The following ACRBP variants were observed in gnomAD, a reference collection of about 807,000 sequenced individuals.
ACRBP encodes acrosin-binding protein.
In ACRBP, 52 loss-of-function variants were observed where a neutral mutation model predicts 69.0. That is an observed-to-expected ratio of 0.75 (90% CI 0.60 to 0.95). The LOEUF (loss-of-function observed/expected upper bound fraction) is 0.95. Among genes scored for constraint, ACRBP ranks in the 40% least tolerant of loss-of-function variants. The pLI is 0.00. For synonymous variants in ACRBP, 267 were observed against 258.9 expected (o/e 1.03, Z -0.30); for missense variants, 604 against 673.0 (o/e 0.90, Z 1.13).
chr12:6,645,383 A>T, intron 3 of ACRBP, 46 bp from the exon 4 acceptor site: 1 of 1,443,666 alleles, frequency 6.9e-7, no homozygotes, highest in Non-Finnish European at 9.7e-7. Context: ...TAAAGGGCAG[A>T]CTTCTGCTCC....
chr12:6,639,940 G>T, intron 8 of ACRBP, 120 bp downstream of exon 8: 2 of 1,224,024 alleles, frequency 1.6e-6, no homozygotes, highest in Non-Finnish European at 2.3e-6. Flanking sequence ...CAGTGAGGAC[G>T]GGTTCTCAGA....
intron 5 of ACRBP, 64 bp from the exon 6 acceptor site, chr12:6,643,735 G>A: frequency 1.3e-6 from 2 of 1,590,058 alleles, no homozygotes; most frequent in African/African-American, 2.7e-5. Flanking sequence ...ACTACATCCA[G>A]TCTCTTCCCC....
chr12:6,643,709 G>A (rs1322703568), intron 5 of ACRBP, 38 bp from the exon 6 acceptor site: 1 of 1,604,488 alleles, frequency 6.2e-7, no homozygotes, highest in East Asian at 2.2e-5. Context: ...GCTGGGCCAG[G>A]TGGCCCGGGC....
intron 2 of ACRBP, 75 bp downstream of exon 2, chr12:6,646,719 A>C: frequency 6.4e-7 from 1 of 1,572,196 alleles, no homozygotes; most frequent in Non-Finnish European, 8.7e-7. Flanking sequence ...GCCTCACATG[A>C]GCACAGGGGT....
intron 3 of ACRBP, among the ~76,000 whole-genome samples, chr12:6,646,282 T>C (rs1949088198): frequency 6.6e-6 from 1 of 152,166 alleles, no homozygotes; most frequent in South Asian, 2.1e-4. Context: ...TCTTCTCTAC[T>C]TTTCTTGCAG....
At position 6,640,290 on chromosome 12, in the gene ACRBP, CA is replaced by C. The variant is rs1949043377; in HGVS notation, c.1257+52del. 2 of 1,612,684 alleles carry C rather than the reference CA, an allele frequency of 1.2e-6. No homozygotes were observed. The highest frequency in any genetic ancestry group is 1.7e-6 in the Non-Finnish European group (2 of 1,178,968). On this transcript the variant is annotated intron_variant, in intron 7 of 9. Coordinates refer to ENST00000229243, the MANE Select transcript of ACRBP (RefSeq NM_032489.3). This position sits in a 1 kb window ranked among gnomAD's most constrained non-coding sequence, Gnocchi z 5.3. ...CCCCACCTGCTGGCCACCACCACCCCACCCCTGCCACCCAGTTCTGCCTTTC... is the reference window on the plus strand; with the variant it reads ...CCCCACCTGCTGGCCACCACCACCCCCCCCTGCCACCCAGTTCTGCCTTTC...
At chr12:6,646,673 C>A (rs770202103) in intron 2 of ACRBP, 96 bp from the exon 3 acceptor site, 1 of 1,507,004 alleles carries the variant, frequency 6.6e-7, no homozygotes, top group Non-Finnish European at 9.2e-7. Flanking sequence ...GTGGAGAGTA[C>A]GAGCTCATGG....
rs1206103820 is a variant in ACRBP, at chr12:6,638,340, T to G, written c.1574A>C (p.Asp525Ala). 1 of 1,614,094 alleles carries G rather than the reference T, an allele frequency of 6.2e-7. No homozygotes were observed. The highest frequency in any genetic ancestry group is 1.1e-5 in the South Asian group (1 of 91,086). Residue 525 changes from aspartate to alanine, a missense_variant, in exon 10 of 10, where the codon GAC becomes GCC. By Grantham distance (126) the Asp-to-Ala change is moderately radical (BLOSUM62 -2). This residue lies in a region of ACRBP where 51 missense variants were observed against 60.1 expected (regional missense o/e 0.85). Coordinates refer to ENST00000229243, the MANE Select transcript of ACRBP (RefSeq NM_032489.3). ...CTCCTGGCTCCATCGAAGCACAACG[T>G]CCTCACTTTTGCCAGGGCTCAGCGC... ...YSALSPGKSE[D>A]VVLRWSQEFS... is the part of the protein sequence containing the mutation.
chr12:6,640,330 C>A lies in ACRBP; in HGVS notation c.1257+13G>T, dbSNP rs922988124. ...GTTCTGCCTTTCCCACTGCGGGCTG[C>A]CGGGCTAGATACCTGGTTGCCGATG... On this transcript the variant is annotated intron_variant, in intron 7 of 9. Transcript: ENST00000229243. This position sits in a 1 kb window ranked among gnomAD's most constrained non-coding sequence, Gnocchi z 5.3. The A allele has an allele frequency of 6.2e-7, 1 of 1,613,930 alleles. No individual in the cohort carries two copies. Among genetic ancestry groups the A allele is most frequent in the South Asian group, 1.1e-5 (1 of 91,066 alleles).
At chr12:6,647,274 G>A in intron 1 of ACRBP, 50 bp downstream of exon 1, 2 of 1,523,852 alleles carry the variant, frequency 1.3e-6, no homozygotes, top group Admixed American at 2.3e-5. Context: ...TCTCGGGAGG[G>A]AGAGGACTAG....
Position 6,640,531 on chromosome 12 carries a change from G to A in ACRBP, c.1078-9C>T. Reference sequence around the variant, plus strand: ...CCAAGGCTGTCACAGACCTGGGGCAGGGGAATGGGTGAGGCTGAAGCTGAG... The same window carrying A: ...CCAAGGCTGTCACAGACCTGGGGCAAGGGAATGGGTGAGGCTGAAGCTGAG... On this transcript the variant is annotated splice_polypyrimidine_tract_variant and intron_variant, in intron 6 of 9. Transcript: ENST00000229243. This position sits in a 1 kb window ranked among gnomAD's most constrained non-coding sequence, Gnocchi z 5.3. The A allele has an allele frequency of 4.3e-6, 7 of 1,612,154 alleles. No homozygotes were observed. The highest frequency in any genetic ancestry group is 5.9e-6 in the Non-Finnish European group (7 of 1,178,948).
At chr12:6,642,059 A>G (rs1247889776) in intron 6 of ACRBP, among the ~76,000 whole-genome samples, 3 of 152,180 alleles carry the variant, frequency 2.0e-5, no homozygotes, top group Non-Finnish European at 4.4e-5. Flanking sequence ...CCTCCCAAAC[A>G]TGGAGAGTTG....
intron 6 of ACRBP, among the ~76,000 whole-genome samples, chr12:6,642,149 A>G (rs955471809): frequency 6.6e-6 from 1 of 151,922 alleles, no homozygotes; most frequent in East Asian, 1.9e-4. Context: ...CATCCTGCAT[A>G]TTTCCTTGTC....
chr12:6,647,091 G>A (rs1262348114), intron 1 of ACRBP, 79 bp from the exon 2 acceptor site: 1 of 1,326,224 alleles, frequency 7.5e-7, no homozygotes, highest in Non-Finnish European at 1.1e-6. Context: ...GACCCAGACT[G>A]GCAAATTAGG....
chr12:6,639,104 A>G, intron 8 of ACRBP, 67 bp from the exon 9 acceptor site: 3 of 1,439,420 alleles, frequency 2.1e-6, no homozygotes, highest in South Asian at 2.3e-5. Context: ...CACTCCAGGG[A>G]ATATCTGCTA....
intron 6 of ACRBP, among the ~76,000 whole-genome samples, chr12:6,642,061 GGA>G (rs1029769598): frequency 6.6e-6 from 1 of 152,078 alleles, no homozygotes; most frequent in African/African-American, 2.4e-5. Flanking sequence ...TCCCAAACAT[GGA>G]GAGTTGTCCC....
Position 6,644,268 on chromosome 12 carries a change from C to T in ACRBP, c.813G>A (p.Arg271=), listed in dbSNP as rs1286318136. The T allele has an allele frequency of 1.9e-6, 3 of 1,614,122 alleles. No individual in the cohort carries two copies. The highest frequency in any genetic ancestry group is 2.5e-6 in the Non-Finnish European group (3 of 1,180,028). ...TAGGAGTAGACTCTACTTCTCGTAC[C>T]CGGGGAGCAAAAGAGGAAGGGTTAG... ...LSSNPSSFAP[R]VREVESTPMI... The change falls in exon 5 of 10, where the codon CGG becomes CGA. Residue 271 remains arginine (R), a synonymous_variant. Coordinates refer to ENST00000229243, the MANE Select transcript of ACRBP (RefSeq NM_032489.3).
At chr12:6,643,990 A>C in intron 5 of ACRBP, 147 bp downstream of exon 5, 1 of 1,424,806 alleles carries the variant, frequency 7.0e-7, no homozygotes. Context: ...CAATGGGCAC[A>C]GAATTGGTGA....
chr12:6,643,704 G>C, intron 5 of ACRBP, 33 bp from the exon 6 acceptor site: 1 of 1,605,446 alleles, frequency 6.2e-7, no homozygotes, highest in Non-Finnish European at 8.5e-7. Context: ...GTGGGGCTGG[G>C]CCAGGTGGCC....
Sources: allele counts gnomAD v4.1 joint callset (sites outside exome capture counted in the v4.1 genomes callset), GRCh38; gene constraint gnomAD v4.1.1; regional missense constraint gnomAD v4.1.1; non-coding constraint Gnocchi (gnomAD v3.1); transcripts MANE v1.5; gene names NCBI Gene and HGNC (gene_info 2026-07-23, HGNC 2026-07-21).